The following CTNND2 variants were observed in gnomAD, a reference collection of about 807,000 sequenced individuals.
The protein encoded by CTNND2 is catenin delta-2.
CTNND2 carries 22 observed loss-of-function variants against 144.4 expected under a neutral mutation model. That is an observed-to-expected ratio of 0.15 (90% CI 0.11 to 0.22). The LOEUF (loss-of-function observed/expected upper bound fraction) is 0.22. CTNND2 is among the 10% of genes least tolerant of loss of function. The pLI is 1.00. For synonymous variants in CTNND2, 751 were observed against 695.6 expected (o/e 1.08, Z -1.25); for missense variants, 1,353 against 1,618.8 (o/e 0.84, Z 2.82).
intron 3 of CTNND2, among the ~76,000 whole-genome samples, chr5:11,518,025 C>T (rs538983916): frequency 5.9e-5 from 9 of 152,098 alleles, no homozygotes; most frequent in South Asian, 4.2e-4. Context: ...ATTGGTGGAA[C>T]GGGGCAATGG....
chr5:11,437,309 A>T (rs1459147283), intron 3 of CTNND2, among the ~76,000 whole-genome samples: 1 of 152,212 alleles, frequency 6.6e-6, no homozygotes, highest in Non-Finnish European at 1.5e-5. Flanking sequence ...TAAGGGAACA[A>T]GTAAGAGTTT....
rs762422281 is a variant in CTNND2 at position 11,384,867 on chromosome 5, G to A, written c.975C>T (p.Gly325=). ...GCGAGGTCACGCGGATCGGGGACAG[G>A]CCGGCCGAGGACACGACGATGTTGA... ...SPINIVVSSA[G]LSPIRVTSPP... is the part of the protein sequence containing the mutation. Residue 325 remains glycine (G), a synonymous_variant, in exon 7 of 22, where the codon GGC becomes GGT. Transcript: ENST00000304623. The surrounding 1 kb of genome is among the most constrained non-coding windows in gnomAD (Gnocchi z 5.2). The A allele has an allele frequency of 6.2e-7, 1 of 1,612,364 alleles. No homozygotes were observed. The highest frequency in any genetic ancestry group is 8.5e-7 in the Non-Finnish European group (1 of 1,179,512).
intron 2 of CTNND2, among the ~76,000 whole-genome samples, chr5:11,609,656 G>A (rs764764426): frequency 2.0e-5 from 3 of 152,092 alleles, no homozygotes; most frequent in African/African-American, 4.8e-5. Context: ...GACTGATAAG[G>A]CCCAACACTG....
At chr5:11,691,240 G>T (rs988050200) in intron 2 of CTNND2, among the ~76,000 whole-genome samples, 1 of 151,924 alleles carries the variant, frequency 6.6e-6, no homozygotes. Flanking sequence ...GCGTGGTGGT[G>T]GGTGCCTGTA....
chr5:11,700,957 A>C (rs890044501), intron 2 of CTNND2, among the ~76,000 whole-genome samples: 14 of 152,224 alleles, frequency 9.2e-5, no homozygotes, highest in Non-Finnish European at 1.6e-4. Flanking sequence ...CGGGGTAACT[A>C]TAAAATGATT....
chr5:11,637,121 AT>A (rs1781748302), intron 2 of CTNND2, among the ~76,000 whole-genome samples: 1 of 152,176 alleles, frequency 6.6e-6, no homozygotes, highest in South Asian at 2.1e-4. Flanking sequence ...AAGTTTATAT[AT>A]TTTTTAAGAA....
At chr5:11,188,311 G>A (rs1735864959) in intron 11 of CTNND2, among the ~76,000 whole-genome samples, 1 of 152,132 alleles carries the variant, frequency 6.6e-6, no homozygotes. Context: ...CAGAAACATG[G>A]ATGGAGCTGG....
At chr5:11,069,198 C>G (rs762624441) in intron 16 of CTNND2, among the ~76,000 whole-genome samples, 1 of 152,224 alleles carries the variant, frequency 6.6e-6, no homozygotes, top group Non-Finnish European at 1.5e-5. Flanking sequence ...GATGACACTA[C>G]TCTACTTGAG....
chr5:11,626,473 G>A (rs1781160871), intron 2 of CTNND2, among the ~76,000 whole-genome samples: 1 of 152,202 alleles, frequency 6.6e-6, no homozygotes, highest in Admixed American at 6.5e-5. Context: ...TATTAGGAAT[G>A]TACACATTGC....
chr5:11,282,817 C>G lies in CTNND2; in HGVS notation c.1629-45994G>C, dbSNP rs192854857. 7.0e-3 allele frequency among the ~76,000 whole-genome samples: 1,073 copies of G among 152,266 alleles called. 12 individuals are homozygous for G. Among genetic ancestry groups the G allele is most frequent in the African/African-American group, 0.025 (1,024 of 41,540 alleles). Reference sequence around the variant, plus strand: ...TCTTCAATTGTTTATACAGGTTTAACGGCAACAATCTTAACTAACAACAAG... The same window carrying G: ...TCTTCAATTGTTTATACAGGTTTAAGGGCAACAATCTTAACTAACAACAAG... On this transcript the variant is annotated intron_variant, in intron 9 of 21. Coordinates refer to ENST00000304623, the MANE Select transcript of CTNND2 (RefSeq NM_001332.4).
intron 6 of CTNND2, among the ~76,000 whole-genome samples, chr5:11,396,154 G>A (rs1183083409): frequency 1.3e-5 from 2 of 152,166 alleles, no homozygotes; most frequent in Non-Finnish European, 2.9e-5. Context: ...AGCTGCAAAC[G>A]TGGTGTGGGG....
At chr5:11,623,174 G>A (rs758357896) in intron 2 of CTNND2, among the ~76,000 whole-genome samples, 13 of 152,066 alleles carry the variant, frequency 8.5e-5, no homozygotes, top group South Asian at 2.1e-4. Flanking sequence ...ATATCAAATC[G>A]GTAGAAGTGT....
chr5:11,397,699 G>C (rs891123469), intron 5 of CTNND2, among the ~76,000 whole-genome samples: 4 of 152,164 alleles, frequency 2.6e-5, no homozygotes, highest in Non-Finnish European at 5.9e-5. Flanking sequence ...AGGGTAGACA[G>C]TGTTTAAAAT....
intron 2 of CTNND2, among the ~76,000 whole-genome samples, chr5:11,690,742 C>CA (rs58799389): frequency 0.056 from 2,048 of 36,510 alleles, 550 homozygotes; most frequent in Middle Eastern, 0.22. Context: ...GACTCCGTCT[C>CA]AAAAAAAAAA....
At chr5:11,193,422 C>G (rs1286261519) in intron 11 of CTNND2, among the ~76,000 whole-genome samples, 1 of 152,058 alleles carries the variant, frequency 6.6e-6, no homozygotes, top group Non-Finnish European at 1.5e-5. Context: ...ATTGAAATGT[C>G]TGTATTCATT....
At chr5:11,752,001 C>T (rs1463406313) in intron 1 of CTNND2, among the ~76,000 whole-genome samples, 4 of 151,260 alleles carry the variant, frequency 2.6e-5, no homozygotes, top group Non-Finnish European at 5.9e-5. Context: ...GTTGGCTGTG[C>T]ACAGTCTTCT....
intron 3 of CTNND2, among the ~76,000 whole-genome samples, chr5:11,490,609 C>A (rs1162488480): frequency 1.3e-5 from 2 of 152,090 alleles, no homozygotes; most frequent in African/African-American, 4.8e-5. Flanking sequence ...AGAACATGCA[C>A]CTGTACAGAC....
At chr5:11,415,509 C>G (rs1761868936) in intron 3 of CTNND2, among the ~76,000 whole-genome samples, 1 of 152,058 alleles carries the variant, frequency 6.6e-6, no homozygotes, top group African/African-American at 2.4e-5. Context: ...GGGAGGTCAA[C>G]ATGGGAAGAT....
At chr5:11,298,424 G>A (rs897081761) in intron 9 of CTNND2, among the ~76,000 whole-genome samples, 4 of 152,152 alleles carry the variant, frequency 2.6e-5, no homozygotes, top group African/African-American at 9.7e-5. Context: ...TCCCACCTTG[G>A]CCTCCCAAAG....
Sources: gnomAD v4.1 joint callset for allele counts (sites outside exome capture counted in the v4.1 genomes callset) on GRCh38, gnomAD v4.1.1 for gene constraint, Gnocchi (gnomAD v3.1) non-coding constraint, MANE v1.5 for transcripts, NCBI Gene and HGNC (gene_info 2026-07-23, HGNC 2026-07-21) for gene names.